The following TBC1D22A variants were observed in gnomAD, a reference collection of about 807,000 sequenced individuals.
TBC1D22A encodes the protein TBC1 domain family member 22A.
A neutral mutation model predicts 60.2 loss-of-function variants in TBC1D22A; 38 were observed. The observed-to-expected ratio is 0.63, with a 90% confidence interval of 0.49 to 0.83. TBC1D22A has a LOEUF of 0.83. TBC1D22A is among the 40% of genes least tolerant of loss of function. TBC1D22A has a pLI of 0.00. For missense variants in TBC1D22A, 628 were observed against 701.0 expected (o/e 0.90, Z 1.18); for synonymous variants, 302 against 281.7 (o/e 1.07, Z -0.72).
At chr22:47,159,986 C>G (rs1429185132) in intron 12 of TBC1D22A, among the ~76,000 whole-genome samples, 1 of 152,078 alleles carries the variant, frequency 6.6e-6, no homozygotes, top group Non-Finnish European at 1.5e-5. Flanking sequence ...GTGACTCACA[C>G]ACACCCCACA....
chr22:46,826,794 C>T (rs1049682216), intron 4 of TBC1D22A, among the ~76,000 whole-genome samples: 12 of 151,838 alleles, frequency 7.9e-5, no homozygotes, highest in African/African-American at 2.7e-4. Context: ...ATAGCACCCA[C>T]GCAGCAGAGT....
intron 11 of TBC1D22A, among the ~76,000 whole-genome samples, chr22:47,073,152 C>G (rs2064070417): frequency 6.6e-6 from 1 of 152,168 alleles, no homozygotes; most frequent in Non-Finnish European, 1.5e-5. Flanking sequence ...ACTCTTCTAA[C>G]TGTTGAAGCA....
chr22:46,889,425 A>G (rs1376424913), intron 5 of TBC1D22A, among the ~76,000 whole-genome samples: 1 of 152,218 alleles, frequency 6.6e-6, no homozygotes, highest in Non-Finnish European at 1.5e-5. Flanking sequence ...GTCGGAATGT[A>G]AAGTGGAGTA....
intron 12 of TBC1D22A, among the ~76,000 whole-genome samples, chr22:47,162,645 CG>C (rs1164973673): frequency 1.9e-5 from 1 of 52,534 alleles, no homozygotes; most frequent in Non-Finnish European, 4.8e-5. Context: ...CAGGGAGAGT[CG>C]TGGGAATGGG....
At chr22:46,882,314 T>C (rs891808758) in intron 5 of TBC1D22A, among the ~76,000 whole-genome samples, 1 of 152,098 alleles carries the variant, frequency 6.6e-6, no homozygotes, top group Non-Finnish European at 1.5e-5. Context: ...AGGCCTGCCT[T>C]CTTCACCTGT....
At chr22:47,005,934 A>T (rs531086240) in intron 10 of TBC1D22A, among the ~76,000 whole-genome samples, 3 of 151,026 alleles carry the variant, frequency 2.0e-5, no homozygotes, top group African/African-American at 7.3e-5. Flanking sequence ...ACACACACAC[A>T]CCCTTATATA....
intron 4 of TBC1D22A, among the ~76,000 whole-genome samples, chr22:46,822,698 C>A (rs1172715931): frequency 6.6e-6 from 1 of 152,104 alleles, no homozygotes; most frequent in Non-Finnish European, 1.5e-5. Context: ...TCTGATAACC[C>A]CTGTTGGAGG....
intron 12 of TBC1D22A, among the ~76,000 whole-genome samples, chr22:47,134,898 A>C (rs1263839571): frequency 6.6e-6 from 1 of 152,188 alleles, no homozygotes; most frequent in Non-Finnish European, 1.5e-5. Flanking sequence ...AGGCTGATAC[A>C]GAGTTTCCCT....
At chr22:46,953,951 T>G (rs1021085987) in intron 8 of TBC1D22A, among the ~76,000 whole-genome samples, 1 of 152,230 alleles carries the variant, frequency 6.6e-6, no homozygotes, top group African/African-American at 2.4e-5. Context: ...TTAACTGATT[T>G]GTTGAAGGCC....
chr22:46,915,209 G>A (rs1166818763), intron 8 of TBC1D22A: 1 of 357,022 alleles, frequency 2.8e-6, no homozygotes, highest in Non-Finnish European at 5.5e-6. Flanking sequence ...GCGTGGATGA[G>A]ATTGGAGGGT....
chr22:46,935,050 T>A (rs1047204628), intron 8 of TBC1D22A, among the ~76,000 whole-genome samples: 4 of 152,212 alleles, frequency 2.6e-5, no homozygotes, highest in African/African-American at 9.7e-5. Context: ...GGGCTTCCTC[T>A]GAGTGTCTCA....
In TBC1D22A at chr22:46,878,648, A is replaced by G; in HGVS notation, c.638-5A>G. ...GTTTTTCCTTGTCTCTTTTTTCATC[A>G]ACAGAGGAATTACGGAGGTTGAGCT... On this transcript the variant is annotated splice_polypyrimidine_tract_variant and splice_region_variant and intron_variant, in intron 4 of 12. Coordinates refer to ENST00000337137, the MANE Select transcript of TBC1D22A (RefSeq NM_014346.5). 6.2e-7 allele frequency: 1 copy of G among 1,613,078 alleles called. No individual in the cohort carries two copies. The highest frequency in any genetic ancestry group is 8.5e-7 in the Non-Finnish European group (1 of 1,179,754).
intron 11 of TBC1D22A, among the ~76,000 whole-genome samples, chr22:47,056,884 G>A (rs1457472888): frequency 4.6e-5 from 7 of 152,208 alleles, no homozygotes; most frequent in Admixed American, 4.6e-4. Context: ...AGAATGGAAG[G>A]GGCCTGGAGC....
chr22:46,983,189 C>G (rs57639715), intron 9 of TBC1D22A, among the ~76,000 whole-genome samples: 1,842 of 152,254 alleles, frequency 0.012, 34 homozygotes, highest in African/African-American at 0.042. Flanking sequence ...ACCATCTGGT[C>G]AGAGGTTTCC....
At chr22:47,038,575 C>T (rs1179434156) in intron 11 of TBC1D22A, among the ~76,000 whole-genome samples, 2 of 152,222 alleles carry the variant, frequency 1.3e-5, no homozygotes, top group Admixed American at 6.5e-5. Flanking sequence ...TCTCCAGTCT[C>T]TCATTCTGAG....
intron 4 of TBC1D22A, among the ~76,000 whole-genome samples, chr22:46,826,027 T>C (rs1292809593): frequency 1.3e-5 from 2 of 151,538 alleles, no homozygotes; most frequent in Non-Finnish European, 1.5e-5. Context: ...GGACTGCAGG[T>C]GCCCACCACC....
At chr22:47,116,925 G>C (rs1569456565) in intron 12 of TBC1D22A, 1 of 152,508 alleles carries the variant, frequency 6.6e-6, no homozygotes, top group South Asian at 2.1e-4. Flanking sequence ...GCCCTGTGCT[G>C]TCAGGTTCTG....
chr22:47,021,831 G>T (rs115372108), intron 10 of TBC1D22A, among the ~76,000 whole-genome samples: 2,694 of 152,300 alleles, frequency 0.018, 66 homozygotes, highest in African/African-American at 0.053. Context: ...CCAGTGCTGG[G>T]GTTCAGGGCC....
chr22:47,100,210 CAG>C (rs1220202980), intron 11 of TBC1D22A, among the ~76,000 whole-genome samples: 1 of 151,876 alleles, frequency 6.6e-6, no homozygotes, highest in African/African-American at 2.4e-5. Flanking sequence ...CGTCAGGGCA[CAG>C]GGGTGAGGTG....
Sources: gnomAD v4.1 joint callset for allele counts (sites outside exome capture counted in the v4.1 genomes callset) on GRCh38, gnomAD v4.1.1 for gene constraint, MANE v1.5 for transcripts, NCBI Gene and HGNC (gene_info 2026-07-23, HGNC 2026-07-21) for gene names.